OTUD4: variants seen among roughly 807,000 people sequenced by gnomAD.
The protein encoded by OTUD4 is OTU deubiquitinase 4, also known as OTU domain-containing protein 4.
A neutral mutation model predicts 130.4 loss-of-function variants in OTUD4; 24 were observed. That is an observed-to-expected ratio of 0.18 (90% CI 0.13 to 0.26). The LOEUF (loss-of-function observed/expected upper bound fraction) is 0.26. Among genes scored for constraint, OTUD4 ranks in the 10% least tolerant of loss-of-function variants. The pLI, the probability that OTUD4 is intolerant of heterozygous loss-of-function variation, is 1.00. For missense variants in OTUD4, 1,031 were observed against 1,329.4 expected (o/e 0.78, Z 3.49); for synonymous variants, 420 against 472.5 (o/e 0.89, Z 1.44).
rs772127605 is a variant in OTUD4, at chr4:145,138,453, G to A, written c.2322C>T (p.Ala774=). The A allele has an allele frequency of 9.3e-6, 15 of 1,613,974 alleles. No homozygotes were observed. The highest frequency in any genetic ancestry group is 8.3e-5 in the Admixed American group (5 of 59,990). The change falls in exon 21 of 21, where the codon GCC becomes GCT. Residue 774 remains alanine (A), a synonymous_variant. Transcript: ENST00000447906. ...GCTGTGGCATTTGACCATTAACACT[G>A]GCCTCAGTCTGCATAGGAAAGTGGG... ...TDAHFPMQTE[A]SVNGQMPQPE... is the part of the protein sequence containing the mutation.
chr4:145,150,915 G>GTTT lies in OTUD4; in HGVS notation c.969-11_969-10insAAA, dbSNP rs1378150253. On this transcript the variant is annotated splice_polypyrimidine_tract_variant and intron_variant, in intron 11 of 20. Transcript: ENST00000447906. ...GTTCTTTGATGTGTGCCTTCAAAGG[G>GTTT]GAAAAGACTTGTGATAGCTTAAAAT... 1.3e-6 allele frequency: 2 copies of GTTT among 1,577,930 alleles called. No homozygotes were observed. Among genetic ancestry groups the GTTT allele is most frequent in the East Asian group, 4.5e-5 (2 of 44,626 alleles).
chr4:145,141,514 G>A lies in OTUD4; in HGVS notation c.1948C>T (p.Pro650Ser). 1.2e-6 allele frequency: 2 copies of A among 1,613,662 alleles called. No individual in the cohort carries two copies. Among genetic ancestry groups the A allele is most frequent in the Non-Finnish European group, 1.7e-6 (2 of 1,179,696 alleles). Reference protein sequence around the residue: ...VPVSIQAVNQPLMPLPQTLSL... With the variant: ...VPVSIQAVNQSLMPLPQTLSL... Reference sequence around the variant, plus strand: ...AATGTCTGAGGCAAAGGCATCAAGGGCTGGTTAACTGCCTGTATTGACACA... The same window carrying A: ...AATGTCTGAGGCAAAGGCATCAAGGACTGGTTAACTGCCTGTATTGACACA... The change falls in exon 19 of 21, where the codon CCC becomes TCC. Residue 650 changes from proline to serine, a missense_variant. Physicochemically the swap from Pro to Ser is moderately conservative, Grantham distance 74. This residue lies in a region of OTUD4 where 900 missense variants were observed against 1,095.9 expected (regional missense o/e 0.82). Coordinates refer to ENST00000447906, the MANE Select transcript of OTUD4 (RefSeq NM_001366057.1).
In OTUD4 at chr4:145,135,820, GCA is replaced by G. The variant is rs1229632546; in HGVS notation, c.*1608_*1609del. The G allele has an allele frequency of 6.6e-6, 1 of 152,594 alleles. No homozygotes were observed. Among genetic ancestry groups the G allele is most frequent in the Non-Finnish European group, 1.5e-5 (1 of 68,030 alleles). 9.5% of individuals were successfully genotyped at this position (152,594 alleles called of 1,614,324 possible). A position where few individuals can be genotyped will look rare whatever the true frequency, so the allele number is the denominator to read the frequency against. On this transcript the variant is annotated 3_prime_UTR_variant, in exon 21 of 21. Coordinates refer to ENST00000447906, the MANE Select transcript of OTUD4 (RefSeq NM_001366057.1). The stretch of plus-strand genomic sequence containing the variant: ...ACACAGACGTTAGGTAATTAAAACA[GCA>G]CAGAGGTAAATAACCATTATTACAG...
intron 1 of OTUD4, 60 bp from the exon 2 acceptor site, chr4:145,174,804 G>A: frequency 2.2e-6 from 2 of 892,212 alleles, no homozygotes; most frequent in Non-Finnish European, 1.9e-6. Context: ...ACAACCTAAT[G>A]TCTTCTTTTA....
chr4:145,179,118 T>C (rs543044630), intron 1 of OTUD4, among the ~76,000 whole-genome samples: 1 of 152,214 alleles, frequency 6.6e-6, no homozygotes, highest in African/African-American at 2.4e-5. Context: ...TAGAAAATGG[T>C]TTTGAAAAGC....
chr4:145,150,705 G>A lies in OTUD4; in HGVS notation c.1073-6C>T, dbSNP rs562650168. 1.2e-6 allele frequency: 2 copies of A among 1,606,970 alleles called. No homozygotes were observed. The highest frequency in any genetic ancestry group is 4.5e-5 in the East Asian group (2 of 44,716). ...TGGCCCTCTGTAATCCACATCTGTT[G>A]TAAGAACCCAAAAGTACATGATAAT... On this transcript the variant is annotated splice_region_variant and splice_polypyrimidine_tract_variant and intron_variant, in intron 12 of 20. Transcript: ENST00000447906.
rs543207835 is a variant in OTUD4 at position 145,137,955 on chromosome 4, A to G, written c.2820T>C (p.Ser940=). ...SKPDEGRTEQ[S]SQTRKADTAL... is the part of the protein sequence containing the mutation. ...CCGTATCTGCCTTTCGTGTCTGGGAAGATTGCTCTGTCCGGCCTTCGTCCG... is the reference window on the plus strand; with the variant it reads ...CCGTATCTGCCTTTCGTGTCTGGGAGGATTGCTCTGTCCGGCCTTCGTCCG... The change falls in exon 21 of 21, where the codon TCT becomes TCC. Residue 940 remains serine, a synonymous_variant. Transcript: ENST00000447906. 1 of 1,614,130 alleles carries G rather than the reference A, an allele frequency of 6.2e-7. No homozygotes were observed. Among genetic ancestry groups the G allele is most frequent in the Admixed American group, 1.7e-5 (1 of 60,014 alleles).
chr4:145,155,800 G>A, intron 8 of OTUD4, 114 bp from the exon 9 acceptor site: 2 of 983,314 alleles, frequency 2.0e-6, no homozygotes, highest in South Asian at 3.4e-5. Flanking sequence ...AAATTAGGAA[G>A]CCACCAAATC....
In OTUD4 at chr4:145,156,067, A is replaced by G. The variant is rs36225837; in HGVS notation, c.630-71T>C. ...ACGTAATTACCTTCTAACCTCATCT[A>G]AACGTCTTCAAAGTCAGAACTATGC... On this transcript the variant is annotated intron_variant, in intron 7 of 20. Coordinates refer to ENST00000447906, the MANE Select transcript of OTUD4 (RefSeq NM_001366057.1). The G allele has an allele frequency of 1.2e-3, 1,470 of 1,204,656 alleles. 22 individuals are homozygous for G. In the African/African-American group the frequency reaches 0.02, roughly 17 times the overall value. The allele number at this position is 1,204,656 out of a possible 1,614,324, so 74.6% of individuals were successfully genotyped here.
intron 19 of OTUD4, 29 bp downstream of exon 19, chr4:145,141,350 G>C: frequency 6.5e-7 from 1 of 1,546,858 alleles, no homozygotes; most frequent in Non-Finnish European, 8.7e-7. Flanking sequence ...ACTTGATAAA[G>C]TCGATTTGAA....
intron 4 of OTUD4, among the ~76,000 whole-genome samples, chr4:145,164,834 G>A (rs36224845): frequency 6.6e-6 from 1 of 151,928 alleles, no homozygotes; most frequent in Non-Finnish European, 1.5e-5. Context: ...ATTTTAGTAC[G>A]GTTCTAGTGG....
rs767826741 is a variant in OTUD4 at position 145,146,328 on chromosome 4, T to G, written c.1361A>C (p.Glu454Ala). ...AATCTCATAGAGTAAACGGGATTCT[T>G]CTATAGCTTGCTTCTCTCTGCGCTC... ...PEERREKQAIEESRLLYEIQN... is the reference protein window; with the variant it reads ...PEERREKQAIAESRLLYEIQN... Residue 454 changes from glutamate to alanine, a missense_variant, in exon 14 of 21, where the codon GAA becomes GCA. Glu to Ala is a moderately radical substitution (Grantham distance 107). Around this residue, in one of 3 missense-constraint regions of OTUD4, gnomAD observed 900 missense variants for 1,095.9 expected, o/e 0.82. Transcript: ENST00000447906. 6.3e-7 allele frequency: 1 copy of G among 1,598,334 alleles called. No homozygotes were observed. The highest frequency in any genetic ancestry group is 1.1e-5 in the South Asian group (1 of 87,820).
In OTUD4 at chr4:145,146,445, T is replaced by A. The variant is rs751423295; in HGVS notation, c.1260-16A>T. 9.0e-6 allele frequency: 13 copies of A among 1,440,574 alleles called. No individual in the cohort carries two copies. The highest frequency in any genetic ancestry group is 1.8e-4 in the Middle Eastern group (1 of 5,622). 89.2% of individuals were successfully genotyped at this position (1,440,574 alleles called of 1,614,324 possible). ...ATCAGGTTTTCTGTCAAATAAAACA[T>A]TCTTGTCAGAAAATACATAAATAAA... On this transcript the variant is annotated splice_polypyrimidine_tract_variant and intron_variant, in intron 13 of 20. Coordinates refer to ENST00000447906, the MANE Select transcript of OTUD4 (RefSeq NM_001366057.1).
rs1033945956 is a variant in OTUD4, at chr4:145,143,831, C to T, written c.1602+115G>A. ...CATCTTTTCCCTGCTTTTCTACTTTCCTAATACACAGCTATAAAATTTCGA... is the reference window on the plus strand; with the variant it reads ...CATCTTTTCCCTGCTTTTCTACTTTTCTAATACACAGCTATAAAATTTCGA... On this transcript the variant is annotated intron_variant, in intron 16 of 20. Transcript: ENST00000447906. The T allele has an allele frequency of 6.9e-6, 5 of 727,808 alleles. No individual in the cohort carries two copies. In the Admixed American group the frequency reaches 1.0e-4, roughly 14 times the overall value. The allele number at this position is 727,808 out of a possible 1,614,324, so 45.1% of individuals were successfully genotyped here.
At chr4:145,153,863 A>C (rs1347058082) in intron 10 of OTUD4, among the ~76,000 whole-genome samples, 1 of 152,364 alleles carries the variant, frequency 6.6e-6, no homozygotes, top group South Asian at 2.1e-4. Flanking sequence ...TTCTGAACTT[A>C]GTTATCAAAA....
At chr4:145,168,527 T>C (rs1346893446) in intron 3 of OTUD4, among the ~76,000 whole-genome samples, 2 of 150,820 alleles carry the variant, frequency 1.3e-5, no homozygotes, top group African/African-American at 2.4e-5. Context: ...TAAAATTCAG[T>C]AAGAACAACA....
chr4:145,139,663 TAA>T (rs1304544704), intron 20 of OTUD4, among the ~76,000 whole-genome samples: 4 of 152,222 alleles, frequency 2.6e-5, no homozygotes, highest in Admixed American at 2.6e-4. Flanking sequence ...GATTTACATC[TAA>T]TTATTCCCCA....
At chr4:145,178,190 G>A (rs2126816812) in intron 1 of OTUD4, 1 of 152,260 alleles carries the variant, frequency 6.6e-6, no homozygotes, top group Non-Finnish European at 1.5e-5. Flanking sequence ...TAAAAACAGA[G>A]ATCCCACTAT....
intron 2 of OTUD4, among the ~76,000 whole-genome samples, chr4:145,172,511 T>G (rs1752223316): frequency 6.6e-6 from 1 of 152,218 alleles, no homozygotes; most frequent in Non-Finnish European, 1.5e-5. Context: ...TAACACAACC[T>G]TTTTTATGTT....
Sources: allele counts gnomAD v4.1 joint callset (sites outside exome capture counted in the v4.1 genomes callset), GRCh38; gene constraint gnomAD v4.1.1; regional missense constraint gnomAD v4.1.1; transcripts MANE v1.5; gene names NCBI Gene and HGNC (gene_info 2026-07-23, HGNC 2026-07-21).